COL5A2: variants seen among roughly 807,000 people sequenced by gnomAD.
COL5A2 encodes the protein collagen type V alpha 2 chain.
Under a neutral mutation model 208.2 loss-of-function variants are expected in COL5A2, and 23 were observed. The observed-to-expected ratio is 0.11, with a 90% CI of 0.08 to 0.16. The LOEUF (loss-of-function observed/expected upper bound fraction) is 0.16. COL5A2 is among the 10% of genes least tolerant of loss of function. The pLI, the probability that COL5A2 is intolerant of heterozygous loss-of-function variation, is 1.00. For synonymous variants in COL5A2, 625 were observed against 628.5 expected, an observed-to-expected ratio of 0.99 and a Z score of 0.08; for missense variants, 1,590 against 1,956.4, an observed-to-expected ratio of 0.81 and a Z score of 3.53.
chr2:189,343,210 A>C, the COL5A2 span, among the ~76,000 whole-genome samples: 4 of 152,102 alleles, frequency 2.6e-5, no homozygotes, highest in Admixed American at 6.6e-5. Flanking sequence ...ACAAAAATTT[A>C]CCATAGTCCA....
At chr2:189,164,123 G>C (rs943497602) in intron 1 of COL5A2, among the ~76,000 whole-genome samples, 4 of 152,124 alleles carry the variant, frequency 2.6e-5, no homozygotes, top group Non-Finnish European at 4.4e-5. Flanking sequence ...GATGCCTGTG[G>C]ATATTTGTCA....
chr2:189,102,485 T>C (rs1176901595), intron 3 of COL5A2, among the ~76,000 whole-genome samples: 1 of 152,164 alleles, frequency 6.6e-6, no homozygotes, highest in Non-Finnish European at 1.5e-5. Flanking sequence ...TAATATAGGC[T>C]TTGAATAAGT....
the COL5A2 span, among the ~76,000 whole-genome samples, chr2:189,287,533 G>C: frequency 6.6e-6 from 1 of 152,074 alleles, no homozygotes; most frequent in African/African-American, 2.4e-5. Flanking sequence ...CATCTCAAAA[G>C]ATGTCTATCA....
intron 3 of COL5A2, 27 bp from the exon 4 acceptor site, chr2:189,100,166 T>C: frequency 3.1e-6 from 5 of 1,595,524 alleles, no homozygotes; most frequent in Non-Finnish European, 3.4e-6. Flanking sequence ...AATTCAAAAA[T>C]TCAATTAGCA....
chr2:189,138,924 C>T (rs745855352), intron 1 of COL5A2, among the ~76,000 whole-genome samples: 1 of 152,204 alleles, frequency 6.6e-6, no homozygotes, highest in Non-Finnish European at 1.5e-5. Context: ...TAGGACAAAT[C>T]TCCTATGCAG....
At chr2:189,327,854 C>T in the COL5A2 span, among the ~76,000 whole-genome samples, 2 of 152,182 alleles carry the variant, frequency 1.3e-5, no homozygotes, top group Non-Finnish European at 2.9e-5. Context: ...AGATGGAGTT[C>T]ATGCTGAATC....
the COL5A2 span, among the ~76,000 whole-genome samples, chr2:189,263,978 A>G: frequency 2.0e-5 from 3 of 152,178 alleles, no homozygotes; most frequent in Non-Finnish European, 4.4e-5. Flanking sequence ...GACTATAAAG[A>G]AAATAAATCA....
intron 44 of COL5A2, 91 bp from the exon 45 acceptor site, chr2:189,048,353 C>T (rs958945497): frequency 1.7e-6 from 2 of 1,158,308 alleles, no homozygotes; most frequent in Non-Finnish European, 1.3e-6. Flanking sequence ...ATGTTTTACA[C>T]CTGTGTTTTA....
chr2:189,384,567 C>T, the COL5A2 span, among the ~76,000 whole-genome samples: 15 of 152,004 alleles, frequency 9.9e-5, no homozygotes, highest in African/African-American at 3.4e-4. Context: ...GATAGGCCTA[C>T]GCAGATCTTT....
intron 52 of COL5A2, among the ~76,000 whole-genome samples, chr2:189,035,363 T>C (rs1685423931): frequency 6.6e-6 from 1 of 152,100 alleles, no homozygotes. Flanking sequence ...TCTGTCCTTA[T>C]TAACCCAAAG....
chr2:189,132,835 C>A (rs1057082040), intron 1 of COL5A2, among the ~76,000 whole-genome samples: 2 of 151,746 alleles, frequency 1.3e-5, no homozygotes, highest in Non-Finnish European at 2.9e-5. Flanking sequence ...GCAGGAGAAT[C>A]GCTTGAATCC....
intron 1 of COL5A2, among the ~76,000 whole-genome samples, chr2:189,133,381 C>G (rs575602016): frequency 6.6e-6 from 1 of 152,030 alleles, no homozygotes; most frequent in East Asian, 2.0e-4. Flanking sequence ...GGCCCCCCAA[C>G]AAGTGCTGGG....
intron 2 of COL5A2, among the ~76,000 whole-genome samples, chr2:189,109,891 C>T (rs548721168): frequency 2.7e-4 from 41 of 152,176 alleles, no homozygotes; most frequent in African/African-American, 9.1e-4. Flanking sequence ...CATTAATGGA[C>T]TTAAAGGGAA....
chr2:189,394,646 A>T, the COL5A2 span, among the ~76,000 whole-genome samples: 1 of 152,252 alleles, frequency 6.6e-6, no homozygotes, highest in Non-Finnish European at 1.5e-5. Context: ...CTGTTACAGT[A>T]GCCTGAAGTG....
chr2:189,096,280 T>C (rs1328535032), intron 6 of COL5A2: 1 of 152,040 alleles, frequency 6.6e-6, no homozygotes, highest in East Asian at 1.9e-4. Context: ...AATTAAACAG[T>C]ACAAACAAAA....
At chr2:189,067,601 T>C (rs1340024010) in intron 21 of COL5A2, among the ~76,000 whole-genome samples, 1 of 152,164 alleles carries the variant, frequency 6.6e-6, no homozygotes, top group Non-Finnish European at 1.5e-5. Flanking sequence ...GATTAATATA[T>C]TTGAATCACT....
chr2:189,320,709 T>C, the COL5A2 span, among the ~76,000 whole-genome samples: 5,545 of 152,276 alleles, frequency 0.036, 116 homozygotes, highest in Admixed American at 0.05. Flanking sequence ...CTGAAAGTGA[T>C]GGGGAGAATG....
At chr2:189,272,572 G>A in the COL5A2 span, among the ~76,000 whole-genome samples, 1 of 152,088 alleles carries the variant, frequency 6.6e-6, no homozygotes, top group South Asian at 2.1e-4. Flanking sequence ...ATGATGAATT[G>A]ATGAGTGCAG....
At chr2:189,317,697 T>C in the COL5A2 span, among the ~76,000 whole-genome samples, 3 of 152,192 alleles carry the variant, frequency 2.0e-5, no homozygotes, top group Non-Finnish European at 2.9e-5. Flanking sequence ...AAAATGTATA[T>C]AATTCCAAAG....
Sources: gnomAD v4.1 joint callset for allele counts (sites outside exome capture counted in the v4.1 genomes callset) on GRCh38, gnomAD v4.1.1 for gene constraint, MANE v1.5 for transcripts, NCBI Gene and HGNC (gene_info 2026-07-23, HGNC 2026-07-21) for gene names.